Variants in SLC17A5 observed in about 807,000 individuals in gnomAD.
SLC17A5 encodes the protein sialin.
A neutral mutation model predicts 59.4 loss-of-function variants in SLC17A5; 47 were observed. That is an observed-to-expected ratio of 0.79 (90% CI 0.63 to 1.01). SLC17A5 has a LOEUF of 1.01. SLC17A5 is among the 50% of genes least tolerant of loss of function. The pLI is 0.00. For synonymous variants in SLC17A5, 202 were observed against 210.7 expected (o/e 0.96, Z 0.36); for missense variants, 522 against 595.5 (o/e 0.88, Z 1.28).
intron 1 of SLC17A5, among the ~76,000 whole-genome samples, chr6:73,652,036 C>A (rs1769897989): frequency 6.6e-6 from 1 of 152,120 alleles, no homozygotes; most frequent in African/African-American, 2.4e-5. Context: ...TCATTATATA[C>A]TTCTCTTAAT....
intron 6 of SLC17A5, among the ~76,000 whole-genome samples, chr6:73,625,420 C>T (rs1387422538): frequency 6.6e-6 from 1 of 152,130 alleles, no homozygotes; most frequent in Admixed American, 6.6e-5. Flanking sequence ...CTCTTGACCT[C>T]AGGTGATCCG....
intron 7 of SLC17A5, among the ~76,000 whole-genome samples, chr6:73,615,880 CTTTTTTTTTTT>C (rs71674685): frequency 6.1e-5 from 6 of 97,580 alleles, no homozygotes; most frequent in East Asian, 3.2e-4. Context: ...ATGAATCATT[CTTTTTTTTTTT>C]TTTTTTTTTT....
chr6:73,645,619 T>G (rs1278718403), intron 1 of SLC17A5: 9 of 378,522 alleles, frequency 2.4e-5, no homozygotes, highest in Non-Finnish European at 3.3e-5. Flanking sequence ...AAACCCCGTC[T>G]CTACTAAAAA....
chr6:73,639,854 T>A (rs980042841), intron 3 of SLC17A5, among the ~76,000 whole-genome samples: 4 of 152,164 alleles, frequency 2.6e-5, no homozygotes, highest in African/African-American at 9.7e-5. Flanking sequence ...GAGACCAGCC[T>A]GGCCAACATG....
intron 9 of SLC17A5, among the ~76,000 whole-genome samples, chr6:73,601,033 C>T (rs1216865917): frequency 6.6e-6 from 1 of 150,422 alleles, no homozygotes; most frequent in Non-Finnish European, 1.5e-5. Context: ...GACCCTCTGC[C>T]TGGATGCCCA....
At chr6:73,641,452 A>C (rs1352243386) in intron 3 of SLC17A5, among the ~76,000 whole-genome samples, 2 of 152,128 alleles carry the variant, frequency 1.3e-5, no homozygotes, top group Admixed American at 1.3e-4. Flanking sequence ...TTTGGAAAAA[A>C]GTTTTCTCTG....
At chr6:73,625,346 CT>C (rs68184548) in intron 6 of SLC17A5, among the ~76,000 whole-genome samples, 8,455 of 152,174 alleles carry the variant, frequency 0.056, 417 homozygotes, top group Admixed American at 0.16. Context: ...GCCACCACCC[CT>C]GGCTGATTTT....
In SLC17A5 at chr6:73,629,353, C is replaced by T. The variant is rs530390124; in HGVS notation, c.819+6029G>A. Among the ~76,000 whole-genome samples the T allele has an allele frequency of 1.1e-4, 17 of 152,288 alleles. No individual in the cohort carries two copies. In the South Asian group the frequency reaches 3.5e-3, roughly 32 times the overall value. ...GCTGCAGTGAGCCAAGATCATGCTA[C>T]TGCACTCCAGCCTAGGCAACAGAAC... is the stretch of plus-strand genomic sequence containing the variant. On this transcript the variant is annotated intron_variant, in intron 6 of 10. Coordinates refer to ENST00000355773, the MANE Select transcript of SLC17A5 (RefSeq NM_012434.5).
chr6:73,639,925 A>G (rs1244244531), intron 3 of SLC17A5, among the ~76,000 whole-genome samples: 9 of 152,194 alleles, frequency 5.9e-5, no homozygotes. Context: ...GCATGCCTGT[A>G]ATCCCACCTA....
chr6:73,631,004 C>T (rs1768679422), intron 6 of SLC17A5, among the ~76,000 whole-genome samples: 1 of 150,546 alleles, frequency 6.6e-6, no homozygotes, highest in African/African-American at 2.5e-5. Context: ...TGAGATCGTG[C>T]CATTGTACTT....
intron 8 of SLC17A5, 126 bp from the exon 9 acceptor site, chr6:73,610,673 GACTA>G: frequency 1.0e-6 from 1 of 957,522 alleles, no homozygotes; most frequent in Non-Finnish European, 1.6e-6. Context: ...TTGCCTGGAA[GACTA>G]ACAAATTTCA....
At chr6:73,646,679 C>CTT (rs377347779) in intron 1 of SLC17A5, among the ~76,000 whole-genome samples, 1 of 145,990 alleles carries the variant, frequency 6.8e-6, no homozygotes, top group Non-Finnish European at 1.5e-5. Context: ...TTTTTTCTTT[C>CTT]TTTTTTTTTT....
chr6:73,608,098 A>C (rs1409010898), intron 9 of SLC17A5, among the ~76,000 whole-genome samples: 2 of 152,106 alleles, frequency 1.3e-5, no homozygotes, highest in East Asian at 1.9e-4. Flanking sequence ...ATGTTTATTT[A>C]CATCTTCATG....
intron 8 of SLC17A5, among the ~76,000 whole-genome samples, chr6:73,611,822 A>T (rs1324731028): frequency 2.0e-5 from 3 of 151,730 alleles, no homozygotes; most frequent in Non-Finnish European, 4.4e-5. Flanking sequence ...AATTACATTT[A>T]TTTACTTATT....
At chr6:73,613,803 T>C (rs939055049) in intron 8 of SLC17A5, among the ~76,000 whole-genome samples, 2 of 152,164 alleles carry the variant, frequency 1.3e-5, no homozygotes, top group African/African-American at 4.8e-5. Flanking sequence ...TCTTGAACTG[T>C]TGTGATATTG....
intron 9 of SLC17A5, among the ~76,000 whole-genome samples, chr6:73,604,424 C>T (rs770966139): frequency 8.5e-5 from 13 of 152,064 alleles, no homozygotes; most frequent in African/African-American, 2.9e-4. Flanking sequence ...CCCATGAATT[C>T]GGGCAACAAA....
Position 73,595,099 on chromosome 6 carries a change from T to C in SLC17A5, c.1466A>G (p.Asp489Gly), listed in dbSNP as rs771628792. The C allele has an allele frequency of 1.9e-6, 3 of 1,614,046 alleles. No individual in the cohort carries two copies. Among genetic ancestry groups the C allele is most frequent in the Non-Finnish European group, 2.5e-6 (3 of 1,180,022 alleles). ...KGEVQNWALN[D>G]HHGHRH ...CCTTCAGTGTCTGTGTCCATGGTGATCATTGAGAGCCCAGTTTTGTACTTC... is the reference window on the plus strand; with the variant it reads ...CCTTCAGTGTCTGTGTCCATGGTGACCATTGAGAGCCCAGTTTTGTACTTC... The change falls in exon 11 of 11, where the codon GAT becomes GGT. Residue 489 changes from aspartate (D) to glycine (G), a missense_variant. Asp to Gly is a moderately conservative substitution (Grantham distance 94, BLOSUM62 -1). This residue lies in a region of SLC17A5 where 153 missense variants were observed against 168.5 expected (regional missense o/e 0.91). Coordinates refer to ENST00000355773, the MANE Select transcript of SLC17A5 (RefSeq NM_012434.5).
At chr6:73,602,472 A>C (rs1029956420) in intron 9 of SLC17A5, among the ~76,000 whole-genome samples, 4 of 140,068 alleles carry the variant, frequency 2.9e-5, no homozygotes, top group South Asian at 4.5e-4. Context: ...ACAACAACAA[A>C]AAACATTAAC....
At chr6:73,631,196 C>T (rs993621551) in intron 6 of SLC17A5, among the ~76,000 whole-genome samples, 4 of 150,930 alleles carry the variant, frequency 2.7e-5, no homozygotes, top group African/African-American at 9.8e-5. Context: ...AATAAGACCA[C>T]TTTACAGTGA....
Sources: gnomAD v4.1 joint callset for allele counts (sites outside exome capture counted in the v4.1 genomes callset) on GRCh38, gnomAD v4.1.1 for gene constraint, gnomAD v4.1.1 regional missense constraint, MANE v1.5 for transcripts, NCBI Gene and HGNC (gene_info 2026-07-23, HGNC 2026-07-21) for gene names.